Variants in AK9 observed in about 807,000 individuals in gnomAD.
AK9 encodes the protein adenylate kinase 9.
Under a neutral mutation model 239.6 loss-of-function variants are expected in AK9, and 191 were observed. The ratio of observed to expected loss-of-function variants is 0.80; its 90% CI spans 0.71 to 0.90. The LOEUF (loss-of-function observed/expected upper bound fraction) is 0.90. Ranked by LOEUF, AK9 falls within the 40% of genes least tolerant of loss-of-function variation. The pLI is 0.00. For missense variants in AK9, 1,995 were observed against 2,214.7 expected (o/e 0.90, Z 1.99); for synonymous variants, 689 against 721.0 (o/e 0.96, Z 0.71).
rs193049856 is a variant in AK9 at position 109,552,401 on chromosome 6, G to A, written c.2752-2099C>T. On this transcript the variant is annotated intron_variant, in intron 24 of 40. Coordinates refer to ENST00000424296, the MANE Select transcript of AK9 (RefSeq NM_001145128.3). ...TGACTTTTTAATAATCGCCATTTTG[G>A]CTGGTGTGAGATGGTATCTCAGTGT... Among the ~76,000 whole-genome samples the A allele has an allele frequency of 2.2e-3, 337 of 152,212 alleles. 1 individual carries two copies. Among genetic ancestry groups the A allele is most frequent in the Non-Finnish European group, 3.9e-3 (268 of 68,012 alleles).
intron 26 of AK9, among the ~76,000 whole-genome samples, chr6:109,542,539 C>G (rs1339068974): frequency 6.6e-6 from 1 of 152,122 alleles, no homozygotes; most frequent in Non-Finnish European, 1.5e-5. Flanking sequence ...CTGACTTGAT[C>G]CTTATACATT....
At chr6:109,571,217 G>A (rs1202155475) in intron 21 of AK9, among the ~76,000 whole-genome samples, 1 of 152,120 alleles carries the variant, frequency 6.6e-6, no homozygotes, top group Non-Finnish European at 1.5e-5. Flanking sequence ...AAATCCAAAT[G>A]GAATTATCAT....
At chr6:109,519,088 T>C (rs1458861356) in intron 29 of AK9, among the ~76,000 whole-genome samples, 1 of 152,164 alleles carries the variant, frequency 6.6e-6, no homozygotes, top group Non-Finnish European at 1.5e-5. Context: ...CTGTGTTAAT[T>C]TGCTCAGGAT....
intron 8 of AK9, among the ~76,000 whole-genome samples, chr6:109,650,498 CG>C (rs1798768720): frequency 2.0e-5 from 3 of 151,014 alleles, no homozygotes; most frequent in Admixed American, 2.0e-4. Flanking sequence ...CATCACTGGC[CG>C]TCCAAGAAAT....
intron 27 of AK9, among the ~76,000 whole-genome samples, chr6:109,534,576 C>T (rs1781723308): frequency 6.6e-6 from 1 of 150,770 alleles, no homozygotes; most frequent in African/African-American, 2.4e-5. Flanking sequence ...AAGCAAATTT[C>T]CATATATTGG....
chr6:109,585,851 T>C lies in AK9; in HGVS notation c.1999+65A>G, dbSNP rs1583124051. The C allele has an allele frequency of 8.3e-6, 12 of 1,454,460 alleles. No individual in the cohort carries two copies. In the South Asian group the frequency reaches 9.7e-5, roughly 12 times the overall value. The allele number at this position is 1,454,460 out of a possible 1,614,324, so 90.1% of individuals were successfully genotyped here. On this transcript the variant is annotated intron_variant, in intron 18 of 40. Coordinates refer to ENST00000424296, the MANE Select transcript of AK9 (RefSeq NM_001145128.3). ...GAAGAGTGGAGAGTTGTCCGTTCTATATTTAACCAAAAATATCAATAACAA... is the reference window on the plus strand; with the variant it reads ...GAAGAGTGGAGAGTTGTCCGTTCTACATTTAACCAAAAATATCAATAACAA...
intron 21 of AK9, among the ~76,000 whole-genome samples, chr6:109,573,061 T>C (rs940137782): frequency 3.9e-5 from 6 of 152,200 alleles, no homozygotes; most frequent in African/African-American, 1.4e-4. Context: ...AAAATTTTAA[T>C]TTAATTTTTC....
intron 29 of AK9, among the ~76,000 whole-genome samples, chr6:109,525,077 G>A (rs1037831843): frequency 2.6e-5 from 4 of 152,080 alleles, no homozygotes; most frequent in Admixed American, 2.6e-4. Context: ...TCATTCTTCT[G>A]CATATGGATA....
intron 17 of AK9, among the ~76,000 whole-genome samples, chr6:109,594,619 G>A (rs1425240001): frequency 6.6e-6 from 1 of 152,126 alleles, no homozygotes; most frequent in African/African-American, 2.4e-5. Context: ...TATACTACAA[G>A]ACTACAGCAG....
In AK9 at chr6:109,499,183, A is replaced by C; in HGVS notation, c.4907T>G (p.Leu1636Arg). The change falls in exon 36 of 41, where the codon CTG (leucine) becomes CGG (arginine). Residue 1636 changes from leucine to arginine, a missense_variant. Leu to Arg is a moderately radical substitution (Grantham distance 102). Around this residue, in one of 5 missense-constraint regions of AK9, gnomAD observed 391 missense variants for 456.0 expected, o/e 0.86. Transcript: ENST00000424296. ...CITPQELLSR[L>R]GEFEQFCPVS... ...AGGGCAGAACTGTTCAAATTCTCCC[A>C]GGCGAGAAAGCAGCTCTTGAGGTGT... is the stretch of plus-strand genomic sequence containing the variant. 6.3e-7 allele frequency: 1 copy of C among 1,594,118 alleles called. No individual in the cohort carries two copies. The highest frequency in any genetic ancestry group is 8.6e-7 in the Non-Finnish European group (1 of 1,169,432).
At chr6:109,622,764 T>C (rs1222673373) in intron 12 of AK9, among the ~76,000 whole-genome samples, 1 of 151,472 alleles carries the variant, frequency 6.6e-6, no homozygotes, top group Non-Finnish European at 1.5e-5. Flanking sequence ...TTTTGGTACA[T>C]AAACTAGGCT....
chr6:109,564,766 T>C lies in AK9; in HGVS notation c.2424A>G (p.Leu808=). Reference sequence around the variant, plus strand: ...ATTTTACAGTCTAACCTGTTTCAGATAATTTTTCAATTTCCAGGCCCTCTT... The same window carrying C: ...ATTTTACAGTCTAACCTGTTTCAGACAATTTTTCAATTTCCAGGCCCTCTT... ...GSKEGLEIEK[L]SETVVLPEFP... is the part of the protein sequence containing the mutation. The change falls in exon 22 of 41, where the codon TTA becomes TTG. Residue 808 remains leucine (L), a synonymous_variant. Coordinates refer to ENST00000424296, the MANE Select transcript of AK9 (RefSeq NM_001145128.3). The C allele has an allele frequency of 1.3e-6, 2 of 1,542,554 alleles. No individual in the cohort carries two copies. The highest frequency in any genetic ancestry group is 1.8e-6 in the Non-Finnish European group (2 of 1,142,128).
At chr6:109,621,918 A>C (rs12193271) in intron 12 of AK9, among the ~76,000 whole-genome samples, 2 of 93,334 alleles carry the variant, frequency 2.1e-5, no homozygotes, top group Non-Finnish European at 2.5e-5. Flanking sequence ...AAAAACAAAA[A>C]AAAAACAGAA....
chr6:109,645,804 G>C (rs1389793820), intron 8 of AK9, among the ~76,000 whole-genome samples: 3 of 152,228 alleles, frequency 2.0e-5, no homozygotes, highest in Non-Finnish European at 2.9e-5. Context: ...ACACCTCCCA[G>C]TAGGGGCTCA....
intron 24 of AK9, among the ~76,000 whole-genome samples, chr6:109,553,659 T>A (rs1784621464): frequency 6.6e-6 from 1 of 152,198 alleles, no homozygotes; most frequent in Middle Eastern, 3.2e-3. Flanking sequence ...AGAGACAACT[T>A]GACTTCCTCT....
intron 32 of AK9, 103 bp from the exon 33 acceptor site, chr6:109,509,483 C>T: frequency 9.8e-7 from 1 of 1,022,978 alleles, no homozygotes; most frequent in South Asian, 1.7e-5. Context: ...CAGGTTTGGG[C>T]TTCTAATGAT....
At chr6:109,628,191 G>GT (rs927648849) in intron 12 of AK9, among the ~76,000 whole-genome samples, 5 of 152,174 alleles carry the variant, frequency 3.3e-5, no homozygotes, top group African/African-American at 1.2e-4. Flanking sequence ...TGGGCCAGAT[G>GT]TCTCAAGTCC....
chr6:109,629,105 T>C (rs1455137069), intron 12 of AK9, among the ~76,000 whole-genome samples: 1 of 152,172 alleles, frequency 6.6e-6, no homozygotes, highest in East Asian at 1.9e-4. Flanking sequence ...CATGATTTTA[T>C]TTTATTTTAT....
chr6:109,493,652 G>T, intron 40 of AK9, 81 bp from the exon 41 acceptor site: 1 of 1,220,430 alleles, frequency 8.2e-7, no homozygotes, highest in Non-Finnish European at 1.2e-6. Context: ...ATGTGTGGTT[G>T]AGTTAGTTAC....
Sources: gnomAD v4.1 joint callset for allele counts (sites outside exome capture counted in the v4.1 genomes callset) on GRCh38, gnomAD v4.1.1 for gene constraint, gnomAD v4.1.1 regional missense constraint, MANE v1.5 for transcripts, NCBI Gene and HGNC (gene_info 2026-07-23, HGNC 2026-07-21) for gene names.